Variants in ULK4 observed in about 807,000 individuals in gnomAD.
ULK4 encodes the protein inactive serine/threonine-protein kinase ULK4.
In ULK4, 133 loss-of-function variants were observed where a neutral mutation model predicts 160.6. That is an observed-to-expected ratio of 0.83 (90% CI 0.72 to 0.96). The LOEUF is 0.96. ULK4 is among the 40% of genes least tolerant of loss of function. The pLI is 0.00. For missense variants in ULK4, 1,580 were observed against 1,499.5 expected (o/e 1.05, Z -0.89); for synonymous variants, 534 against 539.8 (o/e 0.99, Z 0.15).
chr3:41,591,454 G>T lies in ULK4; in HGVS notation c.3120+24215C>A, dbSNP rs188344523. ...GGCCACACTGGAAGAAGAATTGTCT[G>T]GGGCCACAAATAAAATACACTACCG... is the stretch of plus-strand genomic sequence containing the variant. On this transcript the variant is annotated intron_variant, in intron 31 of 36. Transcript: ENST00000301831. Among the ~76,000 whole-genome samples, 507 of 151,876 alleles carry T rather than the reference G, an allele frequency of 3.3e-3. 3 individuals are homozygous for T. Among genetic ancestry groups the T allele is most frequent in the African/African-American group, 0.012 (484 of 41,426 alleles).
rs373491336 is a variant in ULK4 at position 41,518,731 on chromosome 3, G to T, written c.3226+47294C>A. Among the ~76,000 whole-genome samples the T allele has an allele frequency of 1.6e-3, 241 of 152,234 alleles. 3 individuals are homozygous for T. The highest frequency in any genetic ancestry group is 5.6e-3 in the African/African-American group (232 of 41,532). ...GCAGCACTGGTTCTATCAGTTAAGG[G>T]AAAAAAGAGTGAGCCAGATGTTAGC... On this transcript the variant is annotated intron_variant, in intron 32 of 36. Coordinates refer to ENST00000301831, the MANE Select transcript of ULK4 (RefSeq NM_017886.4).
intron 17 of ULK4, among the ~76,000 whole-genome samples, chr3:41,866,626 C>A (rs575365945): frequency 6.6e-6 from 1 of 152,308 alleles, no homozygotes; most frequent in African/African-American, 2.4e-5. Flanking sequence ...TCCTAACAGG[C>A]CATAAACCAG....
In ULK4 at chr3:41,900,711, G is replaced by A. The variant is rs1698321975; in HGVS notation, c.1287+14C>T. 6 of 1,602,154 alleles carry A rather than the reference G, an allele frequency of 3.7e-6. No individual in the cohort carries two copies. Among genetic ancestry groups the A allele is most frequent in the Non-Finnish European group, 5.1e-6 (6 of 1,170,990 alleles). ...TAAAGTCTACAACTCAGTTGTTAGA[G>A]TGTCTTTCTGCACCTTTGGATTGTC... On this transcript the variant is annotated intron_variant, in intron 13 of 36. Transcript: ENST00000301831.
intron 2 of ULK4, among the ~76,000 whole-genome samples, chr3:41,944,815 A>G (rs999577318): frequency 6.6e-6 from 1 of 152,128 alleles, no homozygotes; most frequent in African/African-American, 2.4e-5. Flanking sequence ...CTTCAAGGTT[A>G]TCAGTGGCCT....
At chr3:41,286,855 C>CAGTT (rs2079469364) in intron 35 of ULK4, among the ~76,000 whole-genome samples, 1 of 152,326 alleles carries the variant, frequency 6.6e-6, no homozygotes, top group Admixed American at 6.5e-5. Flanking sequence ...CTGGGAGAGA[C>CAGTT]AGTTGTCCAG....
intron 4 of ULK4, among the ~76,000 whole-genome samples, chr3:41,935,209 A>ATTTATTTATTTT (rs1559660879): frequency 1.5e-5 from 2 of 135,550 alleles, no homozygotes; most frequent in East Asian, 2.1e-4. Context: ...TTATTTATTT[A>ATTTATTTATTTT]TTTTTTTTTT....
chr3:41,657,577 T>C (rs952392062), intron 30 of ULK4, among the ~76,000 whole-genome samples: 8 of 152,004 alleles, frequency 5.3e-5, no homozygotes, highest in African/African-American at 1.9e-4. Context: ...CCCAGCACTT[T>C]AAGAGGCCGA....
rs574768800 is a variant in ULK4 at position 41,645,709 on chromosome 3, T to C, written c.3071+17898A>G. On this transcript the variant is annotated intron_variant, in intron 30 of 36. Transcript: ENST00000301831. ...GAGTTCTGTAGATGTCTATTAGGTC[T>C]GCTTGGTGCAGAGCTGAGTTCAATT... 1.3e-3 allele frequency among the ~76,000 whole-genome samples: 200 copies of C among 152,220 alleles called. 2 individuals are homozygous for C. The highest frequency in any genetic ancestry group is 4.4e-3 in the African/African-American group (182 of 41,542).
intron 34 of ULK4, among the ~76,000 whole-genome samples, chr3:41,448,226 G>T (rs1565959): frequency 4.6e-5 from 7 of 151,886 alleles, no homozygotes; most frequent in Non-Finnish European, 8.8e-5. Flanking sequence ...GTTAGGACTA[G>T]GAGGCTGGGG....
At chr3:41,273,128 C>T (rs2079167028) in intron 35 of ULK4, among the ~76,000 whole-genome samples, 1 of 152,032 alleles carries the variant, frequency 6.6e-6, no homozygotes, top group Non-Finnish European at 1.5e-5. Flanking sequence ...TAAAATTTAC[C>T]TTATTGGGTA....
chr3:41,716,216 A>AAAT (rs61340837), intron 23 of ULK4, among the ~76,000 whole-genome samples: 32,989 of 138,910 alleles, frequency 0.24, 4,279 homozygotes, highest in East Asian at 0.43. Context: ...CTGTCTCACA[A>AAAT]AATAATAATA....
chr3:41,524,230 C>T (rs2086031973), intron 32 of ULK4, among the ~76,000 whole-genome samples: 1 of 152,166 alleles, frequency 6.6e-6, no homozygotes, highest in Admixed American at 6.5e-5. Context: ...CTGAATTATA[C>T]ACTCTAAATG....
chr3:41,492,225 A>C (rs908307802), intron 32 of ULK4, among the ~76,000 whole-genome samples: 1 of 152,144 alleles, frequency 6.6e-6, no homozygotes, highest in East Asian at 1.9e-4. Context: ...AGCATGATTT[A>C]TAGTCCTTTG....
intron 35 of ULK4, among the ~76,000 whole-genome samples, chr3:41,306,953 C>T (rs1230247659): frequency 3.4e-5 from 5 of 148,486 alleles, no homozygotes; most frequent in Admixed American, 6.8e-5. Flanking sequence ...AGGCAGCATG[C>T]TCGTTAAGAG....
At chr3:41,399,339 A>G (rs1056639174) in intron 34 of ULK4, among the ~76,000 whole-genome samples, 7 of 152,070 alleles carry the variant, frequency 4.6e-5, no homozygotes, top group African/African-American at 1.7e-4. Flanking sequence ...CCATTTTAAA[A>G]ATAGGTCATT....
chr3:41,261,885 G>A (rs895937907), intron 35 of ULK4, among the ~76,000 whole-genome samples: 14 of 152,218 alleles, frequency 9.2e-5, no homozygotes, highest in African/African-American at 2.4e-4. Flanking sequence ...ATGGAGGTCC[G>A]TCTTTGCTGG....
chr3:41,432,137 C>A (rs757607487), intron 34 of ULK4, among the ~76,000 whole-genome samples: 8 of 151,996 alleles, frequency 5.3e-5, no homozygotes, highest in Non-Finnish European at 1.0e-4. Flanking sequence ...AACAAGGCAA[C>A]GACGGCTTCT....
At chr3:41,654,985 A>T (rs2034874527) in intron 30 of ULK4, among the ~76,000 whole-genome samples, 1 of 152,166 alleles carries the variant, frequency 6.6e-6, no homozygotes, top group African/African-American at 2.4e-5. Context: ...CTTGAGAAGC[A>T]TCAAATTATT....
chr3:41,661,318 A>G (rs544077714), intron 30 of ULK4, among the ~76,000 whole-genome samples: 10 of 152,334 alleles, frequency 6.6e-5, no homozygotes, highest in Non-Finnish European at 1.0e-4. Flanking sequence ...CAAACTTCAT[A>G]GATACAGAAT....
Sources: allele counts gnomAD v4.1 joint callset (sites outside exome capture counted in the v4.1 genomes callset), GRCh38; gene constraint gnomAD v4.1.1; transcripts MANE v1.5; gene names NCBI Gene and HGNC (gene_info 2026-07-23, HGNC 2026-07-21).